CNTN5: variants seen among roughly 807,000 people sequenced by gnomAD.
CNTN5 encodes the protein contactin-5.
Under a neutral mutation model 129.1 loss-of-function variants are expected in CNTN5, and 77 were observed. That is an observed-to-expected ratio of 0.60 (90% CI 0.50 to 0.72). The LOEUF (loss-of-function observed/expected upper bound fraction) is 0.72, where lower values mean the gene tolerates loss of function less well. Among genes scored for constraint, CNTN5 ranks in the 30% least tolerant of loss-of-function variants. The probability of loss-of-function intolerance (pLI) is 0.00; values close to 1 mark genes in which losing one functional copy is unlikely to be tolerated. For synonymous variants in CNTN5, 509 were observed against 465.6 expected (o/e 1.09, Z -1.20); for missense variants, 1,478 against 1,328.8 (o/e 1.11, Z -1.75).
intron 3 of CNTN5, among the ~76,000 whole-genome samples, chr11:99,593,409 A>G (rs939224055): frequency 1.3e-5 from 2 of 152,192 alleles, no homozygotes; most frequent in Non-Finnish European, 2.9e-5. Flanking sequence ...TGATTCTTTA[A>G]GTGATTCTGT....
chr11:99,900,937 A>G (rs569013350), intron 6 of CNTN5, among the ~76,000 whole-genome samples: 1 of 152,278 alleles, frequency 6.6e-6, no homozygotes, highest in Non-Finnish European at 1.5e-5. Context: ...TTTATGGTCA[A>G]AAGATCTCTA....
At chr11:99,906,254 A>G (rs1949502809) in intron 6 of CNTN5, among the ~76,000 whole-genome samples, 1 of 152,136 alleles carries the variant, frequency 6.6e-6, no homozygotes, top group African/African-American at 2.4e-5. Context: ...CCCATTCAGT[A>G]TGATACTGGC....
intron 6 of CNTN5, among the ~76,000 whole-genome samples, chr11:99,908,547 G>A (rs1949571661): frequency 6.6e-6 from 1 of 151,894 alleles, no homozygotes; most frequent in Non-Finnish European, 1.5e-5. Flanking sequence ...AACAAATTAG[G>A]ATTATTATAT....
intron 18 of CNTN5, among the ~76,000 whole-genome samples, chr11:100,283,266 T>C (rs1950681236): frequency 6.6e-6 from 1 of 152,146 alleles, no homozygotes; most frequent in Non-Finnish European, 1.5e-5. Flanking sequence ...CTATGACCAG[T>C]GCCCTATTCT....
intron 7 of CNTN5, among the ~76,000 whole-genome samples, chr11:99,929,167 C>T (rs933156929): frequency 1.3e-5 from 2 of 152,204 alleles, no homozygotes; most frequent in Non-Finnish European, 2.9e-5. Flanking sequence ...ACCACCTCAG[C>T]CTGGACTTCA....
intron 24 of CNTN5, among the ~76,000 whole-genome samples, chr11:100,353,801 T>G (rs1952467801): frequency 6.6e-6 from 1 of 151,042 alleles, no homozygotes; most frequent in Admixed American, 6.6e-5. Flanking sequence ...TTTGCATTTG[T>G]GTGTGTGTGT....
At chr11:100,094,101 CTT>C (rs910135445) in intron 13 of CNTN5, among the ~76,000 whole-genome samples, 18 of 152,022 alleles carry the variant, frequency 1.2e-4, no homozygotes, top group African/African-American at 4.1e-4. Flanking sequence ...GAAGGAATCT[CTT>C]GGGTTAAAAA....
intron 2 of CNTN5, among the ~76,000 whole-genome samples, chr11:99,417,945 A>G (rs1041807727): frequency 2.0e-5 from 3 of 152,152 alleles, no homozygotes; most frequent in Admixed American, 6.6e-5. Flanking sequence ...GATCTCTGAG[A>G]AGTTACTCTT....
intron 6 of CNTN5, among the ~76,000 whole-genome samples, chr11:99,904,476 C>T (rs897592863): frequency 6.6e-6 from 1 of 150,918 alleles, no homozygotes. Flanking sequence ...TGAACTCATC[C>T]TTTTTTACGG....
chr11:100,274,483 G>A (rs1377013664), intron 18 of CNTN5, among the ~76,000 whole-genome samples: 5 of 152,060 alleles, frequency 3.3e-5, no homozygotes, highest in Non-Finnish European at 5.9e-5. Context: ...TCTGATAAAG[G>A]TCTAATATCC....
chr11:100,110,450 A>C (rs935600462), intron 13 of CNTN5, among the ~76,000 whole-genome samples: 6 of 152,058 alleles, frequency 3.9e-5, no homozygotes, highest in Admixed American at 2.6e-4. Flanking sequence ...ATACATGGTT[A>C]AGCAATTTTC....
chr11:99,953,666 T>C (rs1302238133), intron 7 of CNTN5, among the ~76,000 whole-genome samples: 12 of 152,168 alleles, frequency 7.9e-5, no homozygotes, highest in Admixed American at 7.9e-4. Flanking sequence ...GACAAGTCCT[T>C]GGGCCTGCCT....
intron 3 of CNTN5, among the ~76,000 whole-genome samples, chr11:99,727,082 G>T (rs1257705705): frequency 1.4e-4 from 21 of 150,990 alleles, no homozygotes; most frequent in Non-Finnish European, 2.9e-5. Context: ...CGAGGCTGGT[G>T]GATCATGAGG....
At chr11:99,982,357 A>G (rs894499543) in intron 8 of CNTN5, among the ~76,000 whole-genome samples, 3 of 152,226 alleles carry the variant, frequency 2.0e-5, no homozygotes, top group Non-Finnish European at 2.9e-5. Flanking sequence ...TAAAAATGCT[A>G]TTTTAGAAAG....
chr11:100,337,783 G>C (rs892341068), intron 21 of CNTN5, among the ~76,000 whole-genome samples: 1 of 152,192 alleles, frequency 6.6e-6, no homozygotes. Context: ...CTGCTCTTCT[G>C]TTTTGTTTGA....
intron 3 of CNTN5, among the ~76,000 whole-genome samples, chr11:99,637,043 T>TA (rs763109822): frequency 1.0e-5 from 1 of 95,818 alleles, no homozygotes; most frequent in African/African-American, 4.4e-5. Context: ...AAAAAAAAAG[T>TA]AAATGACTCT....
rs540348627 is a variant in CNTN5, at chr11:99,155,261, G to A, written c.-210+133991G>A. 2.6e-5 allele frequency among the ~76,000 whole-genome samples: 4 copies of A among 152,264 alleles called. No individual in the cohort carries two copies. In the East Asian group the frequency reaches 7.7e-4, roughly 29 times the overall value. On this transcript the variant is annotated intron_variant, in intron 1 of 24. Transcript: ENST00000524871. ...TTCAATGCCTTCTCTTTGAAGATTT[G>A]CTCAAAGTGTGCATTTAAAACATTT...
At chr11:100,134,964 G>A (rs142686311) in intron 13 of CNTN5, among the ~76,000 whole-genome samples, 37 of 152,004 alleles carry the variant, frequency 2.4e-4, no homozygotes, top group Middle Eastern at 3.4e-3. Context: ...AATTTATACC[G>A]TGGCTTGTAT....
chr11:99,766,529 T>G (rs1944761263), intron 3 of CNTN5, among the ~76,000 whole-genome samples: 1 of 152,062 alleles, frequency 6.6e-6, no homozygotes, highest in African/African-American at 2.4e-5. Context: ...TACTGAAAAC[T>G]AATATAAAGT....
Sources: gnomAD v4.1 joint callset for allele counts (sites outside exome capture counted in the v4.1 genomes callset) on GRCh38, gnomAD v4.1.1 for gene constraint, MANE v1.5 for transcripts, NCBI Gene and HGNC (gene_info 2026-07-23, HGNC 2026-07-21) for gene names.